The following KRT6C variants were observed in gnomAD, a reference collection of about 807,000 sequenced individuals.
The protein encoded by KRT6C is keratin 6C, also known as keratin, type II cytoskeletal 6C.
A neutral mutation model predicts 49.4 loss-of-function variants in KRT6C; 46 were observed. The observed-to-expected ratio is 0.93, with a 90% CI of 0.74 to 1.19. KRT6C has a LOEUF of 1.19. Among genes scored for constraint, KRT6C ranks in the 50% most tolerant of loss-of-function variants. The pLI is 0.00. For synonymous variants in KRT6C, 236 were observed against 297.1 expected, an observed-to-expected ratio of 0.79 and a Z score of 2.12; for missense variants, 552 against 737.5, an observed-to-expected ratio of 0.75 and a Z score of 2.91.
At position 52,472,063 on chromosome 12, in the gene KRT6C, C is replaced by A; in HGVS notation, c.755+3G>T. 1.1e-5 allele frequency: 18 copies of A among 1,593,262 alleles called. No homozygotes were observed. Among genetic ancestry groups the A allele is most frequent in the Non-Finnish European group, 1.5e-5 (18 of 1,173,546 alleles). On this transcript the variant is annotated splice_donor_region_variant and intron_variant, in intron 2 of 8. Coordinates refer to ENST00000252250, the MANE Select transcript of KRT6C (RefSeq NM_173086.5). The stretch of plus-strand genomic sequence containing the variant: ...TGTGTGCTGCAGGAAATGGAGTCCT[C>A]ACTTGTTCTTGAGGTCCTCCACCAG...
chr12:52,469,988 A>G, intron 6 of KRT6C, 98 bp from the exon 7 acceptor site: 1 of 1,337,442 alleles, frequency 7.5e-7, no homozygotes, highest in Admixed American at 1.9e-5. Flanking sequence ...CAAAATTGAC[A>G]GAGAATGAGC....
At chr12:52,470,860 T>G (rs1258532412) in intron 5 of KRT6C, among the ~76,000 whole-genome samples, 1 of 152,160 alleles carries the variant, frequency 6.6e-6, no homozygotes, top group African/African-American at 2.4e-5. Flanking sequence ...AGAAATATTC[T>G]GTACCAATTT....
At chr12:52,471,367 T>C in intron 4 of KRT6C, 54 bp downstream of exon 4, 1 of 1,614,072 alleles carries the variant, frequency 6.2e-7, no homozygotes, top group African/African-American at 1.3e-5. Flanking sequence ...CTATACATCT[T>C]CTCCCCTTTG....
rs1565809678 is a variant in KRT6C at position 52,472,201 on chromosome 12, C to G, written c.620G>C (p.Arg207Thr). ...CTCGAACAACGGCTCCAGGTTCTGC[C>G]TCACAGTCTTGGTGCCCTGCTCCTG... ...LLQEQGTKTV[R>T]QNLEPLFEQY... is the part of the protein sequence containing the mutation. The change falls in exon 2 of 9, where the codon AGG (arginine) becomes ACG (threonine). Residue 207 changes from arginine (R) to threonine (T), a missense_variant. Physicochemically the swap from Arg to Thr is moderately conservative, Grantham distance 71. Transcript: ENST00000252250. The G allele has an allele frequency of 1.3e-6, 2 of 1,483,946 alleles. No homozygotes were observed. The highest frequency in any genetic ancestry group is 2.7e-5 in the African/African-American group (2 of 74,382). 91.9% of individuals were successfully genotyped at this position (1,483,946 alleles called of 1,614,324 possible).
At chr12:52,471,919 A>C (rs868862799) in intron 2 of KRT6C, 147 bp downstream of exon 2, 1 of 1,114,424 alleles carries the variant, frequency 9.0e-7, no homozygotes. Flanking sequence ...TCCTCCCATA[A>C]CCATCTGTGG....
Position 52,468,714 on chromosome 12 carries a change from C to A in KRT6C, c.*348G>T. On this transcript the variant is annotated 3_prime_UTR_variant, in exon 9 of 9. Coordinates refer to ENST00000252250, the MANE Select transcript of KRT6C (RefSeq NM_173086.5). ...AGTGGAAGTTGTTCTGAAATAAGCC[C>A]CAGGCGATTTTCAGTAATGAAAAGG... 1 of 314,098 alleles carries A rather than the reference C, an allele frequency of 3.2e-6. No individual in the cohort carries two copies. The highest frequency in any genetic ancestry group is 2.1e-5 in the African/African-American group (1 of 47,628). 19.5% of individuals were successfully genotyped at this position (314,098 alleles called of 1,614,324 possible). A position where few individuals can be genotyped will look rare whatever the true frequency, so the allele number is the denominator to read the frequency against.
rs1937859669 is a variant in KRT6C at position 52,470,589 on chromosome 12, G to A, written c.1119C>T (p.Asp373=). The change falls in exon 6 of 9, where the codon GAC becomes GAT. Residue 373 remains aspartate, a synonymous_variant. Coordinates refer to ENST00000252250, the MANE Select transcript of KRT6C (RefSeq NM_173086.5). ...LQVTAGRHGD[D]LRNTKQEIAE... ...CAATCTCCTGCTTGGTGTTGCGCAG[G>A]TCGTCCCCATGTCTGCCTGCTGTGA... 6.2e-7 allele frequency: 1 copy of A among 1,614,002 alleles called. No individual in the cohort carries two copies. Among genetic ancestry groups the A allele is most frequent in the Non-Finnish European group, 8.5e-7 (1 of 1,180,000 alleles).
chr12:52,470,329 A>G, intron 6 of KRT6C, 176 bp downstream of exon 6: 5 of 1,173,616 alleles, frequency 4.3e-6, no homozygotes, highest in Non-Finnish European at 6.1e-6. Context: ...TCAGAGGCTC[A>G]TCCTCTTGGG....
chr12:52,470,484 C>G, intron 6 of KRT6C, 21 bp downstream of exon 6: 1 of 1,614,130 alleles, frequency 6.2e-7, no homozygotes, highest in Non-Finnish European at 8.5e-7. Flanking sequence ...TGCTTCTTTC[C>G]TCCACTGCAC....
Position 52,468,777 on chromosome 12 carries a change from A to C in KRT6C, c.*285T>G. ...TTTCTTATAATGCTCAGCCTCAGAG[A>C]GAACAATTTTGGAGGCAAGAAATTA... On this transcript the variant is annotated 3_prime_UTR_variant, in exon 9 of 9. Transcript: ENST00000252250. The C allele has an allele frequency of 2.0e-6, 1 of 490,256 alleles. No individual in the cohort carries two copies. The highest frequency in any genetic ancestry group is 3.7e-6 in the Non-Finnish European group (1 of 272,544). 30.4% of individuals were successfully genotyped at this position (490,256 alleles called of 1,614,324 possible).
chr12:52,468,776 G>GAT lies in KRT6C; in HGVS notation c.*285_*286insAT. The GAT allele has an allele frequency of 2.0e-6, 1 of 488,946 alleles. No homozygotes were observed. Among genetic ancestry groups the GAT allele is most frequent in the Admixed American group, 3.3e-5 (1 of 29,900 alleles). The allele number at this position is 488,946 out of a possible 1,614,324, so 30.3% of individuals were successfully genotyped here. A position where few individuals can be genotyped will look rare whatever the true frequency, so the allele number is the denominator to read the frequency against. ...TTTTCTTATAATGCTCAGCCTCAGA[G>GAT]AGAACAATTTTGGAGGCAAGAAATT... On this transcript the variant is annotated 3_prime_UTR_variant, in exon 9 of 9. Transcript: ENST00000252250.
chr12:52,471,107 C>T, intron 5 of KRT6C, 25 bp downstream of exon 5: 1 of 1,614,218 alleles, frequency 6.2e-7, no homozygotes, highest in Non-Finnish European at 8.5e-7. Flanking sequence ...AAGGATTCCT[C>T]AGCAGCTGCC....
chr12:52,468,882 G>T lies in KRT6C; in HGVS notation c.*180C>A. ...AAAGGTTGATCTGATGGTGAGCAAT[G>T]GGTGCTCAGATGGGGCAGGTATAGA... On this transcript the variant is annotated 3_prime_UTR_variant, in exon 9 of 9. Coordinates refer to ENST00000252250, the MANE Select transcript of KRT6C (RefSeq NM_173086.5). 2 of 682,960 alleles carry T rather than the reference G, an allele frequency of 2.9e-6. 1 individual carries two copies. Among genetic ancestry groups the T allele is most frequent in the Middle Eastern group, 8.2e-4 (2 of 2,428 alleles). 42.3% of individuals were successfully genotyped at this position (682,960 alleles called of 1,614,324 possible).
chr12:52,469,667 T>G lies in KRT6C; in HGVS notation c.1424+3A>C. On this transcript the variant is annotated splice_donor_region_variant and intron_variant, in intron 7 of 8. Coordinates refer to ENST00000252250, the MANE Select transcript of KRT6C (RefSeq NM_173086.5). ...GTTGGAGGAAGTCGCGTCAGTTACC[T>G]ACCTGCACTCCTCGCCCTCCAGCAG... The G allele has an allele frequency of 6.2e-7, 1 of 1,614,144 alleles. No individual in the cohort carries two copies. Among genetic ancestry groups the G allele is most frequent in the Non-Finnish European group, 8.5e-7 (1 of 1,180,016 alleles).
In KRT6C at chr12:52,469,470, T is replaced by C. The variant is rs375105763; in HGVS notation, c.1425-25A>G. 2.5e-6 allele frequency: 4 copies of C among 1,613,728 alleles called. No individual in the cohort carries two copies. In the African/African-American group the frequency reaches 5.3e-5, roughly 22 times the overall value. On this transcript the variant is annotated intron_variant, in intron 7 of 8. Coordinates refer to ENST00000252250, the MANE Select transcript of KRT6C (RefSeq NM_173086.5). ...CCTGTGGAGAGGAACACAGGGAGGG[T>C]GAGACCTCAGAGAGCTCTTCCTTCC...
chr12:52,469,993 A>C, intron 6 of KRT6C, 103 bp from the exon 7 acceptor site: 1 of 1,287,748 alleles, frequency 7.8e-7, no homozygotes, highest in South Asian at 1.3e-5. Context: ...TTGACAGAGA[A>C]TGAGCTTTGA....
In KRT6C at chr12:52,469,864, A is replaced by T. The variant is rs1241579428; in HGVS notation, c.1230T>A (p.Ala410=). ...KQCASLQAAI[A]DAEQRGEMAL... Reference sequence around the variant, plus strand: ...CCATCTCCCCACGCTGCTCAGCATCAGCAATGGCAGCCTGCAGGCTGGCAC... The same window carrying T: ...CCATCTCCCCACGCTGCTCAGCATCTGCAATGGCAGCCTGCAGGCTGGCAC... Residue 410 remains alanine, a synonymous_variant, in exon 7 of 9, where the codon GCT becomes GCA. Coordinates refer to ENST00000252250, the MANE Select transcript of KRT6C (RefSeq NM_173086.5). The T allele has an allele frequency of 1.2e-6, 2 of 1,613,990 alleles. No homozygotes were observed. The highest frequency in any genetic ancestry group is 1.7e-6 in the Non-Finnish European group (2 of 1,180,032).
rs2121517847 is a variant in KRT6C, at chr12:52,470,489, C to T, written c.1203+16G>A. On this transcript the variant is annotated intron_variant, in intron 6 of 8. Coordinates refer to ENST00000252250, the MANE Select transcript of KRT6C (RefSeq NM_173086.5). ...CAAAAAATGATGCTTCTTTCCTCCA[C>T]TGCACCTCACTGTACCTGCTTCTTG... 1.2e-6 allele frequency: 2 copies of T among 1,614,188 alleles called. No homozygotes were observed. Among genetic ancestry groups the T allele is most frequent in the South Asian group, 2.2e-5 (2 of 91,078 alleles).
Position 52,469,665 on chromosome 12 carries a change from C to T in KRT6C, c.1424+5G>A, listed in dbSNP as rs549881644. 3 of 1,614,196 alleles carry T rather than the reference C, an allele frequency of 1.9e-6. No homozygotes were observed. Among genetic ancestry groups the T allele is most frequent in the Admixed American group, 1.7e-5 (1 of 60,032 alleles). ...CTGTTGGAGGAAGTCGCGTCAGTTACCTACCTGCACTCCTCGCCCTCCAGC... is the reference window on the plus strand; with the variant it reads ...CTGTTGGAGGAAGTCGCGTCAGTTATCTACCTGCACTCCTCGCCCTCCAGC... On this transcript the variant is annotated splice_donor_5th_base_variant and intron_variant, in intron 7 of 8. Coordinates refer to ENST00000252250, the MANE Select transcript of KRT6C (RefSeq NM_173086.5).
Sources: gnomAD v4.1 joint callset for allele counts (sites outside exome capture counted in the v4.1 genomes callset) on GRCh38, gnomAD v4.1.1 for gene constraint, MANE v1.5 for transcripts, NCBI Gene and HGNC (gene_info 2026-07-23, HGNC 2026-07-21) for gene names.